Variants in SYT7 observed in about 807,000 individuals in gnomAD.
SYT7 encodes synaptotagmin-7.
A neutral mutation model predicts 75.1 loss-of-function variants in SYT7; 29 were observed. The observed-to-expected ratio is 0.39, with a 90% CI of 0.29 to 0.53. The LOEUF (loss-of-function observed/expected upper bound fraction) is 0.53, where lower values mean the gene tolerates loss of function less well. Ranked by LOEUF, SYT7 falls within the 20% of genes least tolerant of loss-of-function variation. The pLI is 0.77. For synonymous variants in SYT7, 376 were observed against 401.7 expected (o/e 0.94, Z 0.76); for missense variants, 693 against 953.2 (o/e 0.73, Z 3.59).
At position 61,518,839 on chromosome 11, in the gene SYT7, C is replaced by T. The variant is rs187023525; in HGVS notation, c.1957-108G>A. On this transcript the variant is annotated intron_variant, in intron 12 of 12. Coordinates refer to ENST00000539008, the MANE Select transcript of SYT7 (RefSeq NM_001365809.2). ...CACCATGATACCCTAGCCTGTGGCC[C>T]CCCAGCCTCCACATGCTGTGACAAC... 8.1e-3 allele frequency: 5,659 copies of T among 695,580 alleles called. 33 individuals carry two copies. Among genetic ancestry groups the T allele is most frequent in the Non-Finnish European group, 9.8e-3 (4,491 of 457,080 alleles). The allele number at this position is 695,580 out of a possible 1,614,324, so 43.1% of individuals were successfully genotyped here.
At chr11:61,585,744 G>A (rs183941946), upstream of SYT7, among the ~76,000 whole-genome samples, 457 of 152,214 alleles carry the variant, frequency 3.0e-3, 6 homozygotes, top group South Asian at 0.038. Context: ...GTCTATGCTT[G>A]TCACACTTCT....
intron 6 of SYT7, among the ~76,000 whole-genome samples, chr11:61,541,522 C>T (rs2063042076): frequency 6.6e-6 from 1 of 152,136 alleles, no homozygotes; most frequent in South Asian, 2.1e-4. Flanking sequence ...GACCTATATA[C>T]TTGAAAGAAA....
intron 7 of SYT7, among the ~76,000 whole-genome samples, chr11:61,536,041 G>A (rs2062860779): frequency 6.6e-6 from 1 of 152,174 alleles, no homozygotes; most frequent in Non-Finnish European, 1.5e-5. Context: ...CTGCTGGGAA[G>A]GAAGCATTGG....
chr11:61,585,030 G>A (rs1329421028), upstream of SYT7, among the ~76,000 whole-genome samples: 2 of 152,218 alleles, frequency 1.3e-5, no homozygotes, highest in South Asian at 2.1e-4. Context: ...GCCTGTTTCC[G>A]ATCTGGCACC....
upstream of SYT7, among the ~76,000 whole-genome samples, chr11:61,582,104 A>C (rs2064290966): frequency 6.6e-6 from 1 of 151,944 alleles, no homozygotes; most frequent in Non-Finnish European, 1.5e-5. Context: ...ACACACACAC[A>C]CACAGACATG....
chr11:61,516,457 GGGCGAA>G lies in SYT7; in HGVS notation c.*2164_*2169del, dbSNP rs2062151051. The G allele has an allele frequency of 1.3e-5, 2 of 152,236 alleles. No homozygotes were observed. Among genetic ancestry groups the G allele is most frequent in the African/African-American group, 2.4e-5 (1 of 41,446 alleles). The allele number at this position is 152,236 out of a possible 1,614,324, so 9.4% of individuals were successfully genotyped here. On this transcript the variant is annotated 3_prime_UTR_variant, in exon 13 of 13. Transcript: ENST00000539008. This position sits in a 1 kb window ranked among gnomAD's most constrained non-coding sequence, Gnocchi z 4.6. ...TCGATACAAGTTGGTTGGATCCCCA[GGGCGAA>G]GGCGCCTGGAAGGTGGGGGCTGGCT...
At chr11:61,574,020 C>G (rs2063998159) in intron 1 of SYT7, among the ~76,000 whole-genome samples, 1 of 152,230 alleles carries the variant, frequency 6.6e-6, no homozygotes, top group Non-Finnish European at 1.5e-5. Flanking sequence ...CATGTCTCTG[C>G]TATTCTGATG....
rs1356652032 is a variant in SYT7 at position 61,546,390 on chromosome 11, AGT to A, written c.348-137_348-136del. The A allele has an allele frequency of 1.7e-6, 1 of 599,050 alleles. No homozygotes were observed. Among genetic ancestry groups the A allele is most frequent in the Non-Finnish European group, 2.9e-6 (1 of 349,554 alleles). 37.1% of individuals were successfully genotyped at this position (599,050 alleles called of 1,614,324 possible). ...TAACAGATAAAAGGAAGAAAGAGAC[AGT>A]GAGAGAGGAGGAGGAGAGAGACAGA... On this transcript the variant is annotated intron_variant, in intron 4 of 12. Coordinates refer to ENST00000539008, the MANE Select transcript of SYT7 (RefSeq NM_001365809.2). This position sits in a 1 kb window ranked among gnomAD's most constrained non-coding sequence, Gnocchi z 7.6.
chr11:61,526,432 A>T (rs944607049), intron 9 of SYT7: 1 of 152,226 alleles, frequency 6.6e-6, no homozygotes, highest in African/African-American at 2.4e-5. Flanking sequence ...CCCATTTTGA[A>T]TGGCCCCTCT....
At chr11:61,554,246 C>G (rs1026105669) in intron 2 of SYT7, among the ~76,000 whole-genome samples, 52 of 152,038 alleles carry the variant, frequency 3.4e-4, no homozygotes, top group African/African-American at 1.3e-3. Flanking sequence ...GGGGTGGAGA[C>G]CAGTTACAGT....
chr11:61,532,313 C>T (rs12289939), intron 8 of SYT7, among the ~76,000 whole-genome samples: 2,582 of 152,252 alleles, frequency 0.017, 28 homozygotes, highest in South Asian at 0.06. Flanking sequence ...ACAGGTGGGG[C>T]AAGTGGCTGT....
chr11:61,561,339 T>A (rs1214078539), intron 1 of SYT7, among the ~76,000 whole-genome samples: 1 of 152,194 alleles, frequency 6.6e-6, no homozygotes, highest in African/African-American at 2.4e-5. Context: ...AATGCCGGGA[T>A]GTCTTGGGAG....
chr11:61,523,356 G>A lies in SYT7; in HGVS notation c.1757-82C>T, dbSNP rs933090974. 4 of 1,392,414 alleles carry A rather than the reference G, an allele frequency of 2.9e-6. No individual in the cohort carries two copies. In the African/African-American group the frequency reaches 4.3e-5, roughly 15 times the overall value. 86.3% of individuals were successfully genotyped at this position (1,392,414 alleles called of 1,614,324 possible). Reference sequence around the variant, plus strand: ...TCCTTTTCCCCTTCCAGGAATGGAAGCTGAGGCAGGAGGGCCGTGTGCTTT... The same window carrying A: ...TCCTTTTCCCCTTCCAGGAATGGAAACTGAGGCAGGAGGGCCGTGTGCTTT... On this transcript the variant is annotated intron_variant, in intron 11 of 12. Transcript: ENST00000539008. This position sits in a 1 kb window ranked among gnomAD's most constrained non-coding sequence, Gnocchi z 5.0.
chr11:61,516,852 T>G lies in SYT7; in HGVS notation c.*1775A>C. ...TCCAGATCCCAGGGAGAGGAAATGG[T>G]GGGGGTGTGCGATTTAATTTCAGAA... On this transcript the variant is annotated 3_prime_UTR_variant, in exon 13 of 13. Transcript: ENST00000539008. The surrounding 1 kb of genome is among the most constrained non-coding windows in gnomAD (Gnocchi z 4.6). 1 of 169,442 alleles carries G rather than the reference T, an allele frequency of 5.9e-6. No homozygotes were observed. The highest frequency in any genetic ancestry group is 1.6e-4 in the East Asian group (1 of 6,170). 10.5% of individuals were successfully genotyped at this position (169,442 alleles called of 1,614,324 possible).
rs1041609897 is a variant in SYT7, at chr11:61,576,181, G to A, written c.31+4609C>T. ...CAGCCCTTGGGGAATTCTGCTGGGT[G>A]AGACCAAAGCCCTGCCCTGCAGACA... On this transcript the variant is annotated intron_variant, in intron 1 of 12. Transcript: ENST00000539008. The surrounding 1 kb of genome is among the most constrained non-coding windows in gnomAD (Gnocchi z 4.1). 5.3e-5 allele frequency among the ~76,000 whole-genome samples: 8 copies of A among 152,234 alleles called. No individual in the cohort carries two copies. Among genetic ancestry groups the A allele is most frequent in the South Asian group, 4.1e-4 (2 of 4,832 alleles).
intron 8 of SYT7, among the ~76,000 whole-genome samples, chr11:61,531,291 C>T (rs891650321): frequency 1.8e-4 from 28 of 152,244 alleles, no homozygotes; most frequent in Admixed American, 1.6e-3. Context: ...GCTGTCGGCC[C>T]TTCCCTGGGG....
At chr11:61,545,533 G>A (rs1399371183) in intron 5 of SYT7, among the ~76,000 whole-genome samples, 3 of 152,242 alleles carry the variant, frequency 2.0e-5, no homozygotes, top group Non-Finnish European at 4.4e-5. Context: ...GGAGTCACCC[G>A]ATGGTCAAAA....
rs1425840577 is a variant in SYT7, at chr11:61,523,817, A to C, written c.1756+10T>G. 6.2e-7 allele frequency: 1 copy of C among 1,612,984 alleles called. No individual in the cohort carries two copies. Among genetic ancestry groups the C allele is most frequent in the Non-Finnish European group, 8.5e-7 (1 of 1,179,290 alleles). On this transcript the variant is annotated intron_variant, in intron 11 of 12. Transcript: ENST00000539008. This position sits in a 1 kb window ranked among gnomAD's most constrained non-coding sequence, Gnocchi z 5.0. ...CGGCCCGCCCATCCTCTGCTGGAGA[A>C]GCCCCGTACCTGATGTGCCCCCGAT...
Position 61,542,846 on chromosome 11 carries a change from C to G in SYT7, c.573-267G>C, listed in dbSNP as rs909990965. On this transcript the variant is annotated intron_variant, in intron 5 of 12. Coordinates refer to ENST00000539008, the MANE Select transcript of SYT7 (RefSeq NM_001365809.2). The surrounding 1 kb of genome is among the most constrained non-coding windows in gnomAD (Gnocchi z 7.8). ...CCTGGCTCAGCTAGTGCCAGAATAC[C>G]TCCTGGCTAGGCCGACCTCCCTGCC... is the stretch of plus-strand genomic sequence containing the variant. Among the ~76,000 whole-genome samples the G allele has an allele frequency of 6.6e-6, 1 of 152,194 alleles. No individual in the cohort carries two copies. Among genetic ancestry groups the G allele is most frequent in the Non-Finnish European group, 1.5e-5 (1 of 68,028 alleles).
Sources: allele counts gnomAD v4.1 joint callset (sites outside exome capture counted in the v4.1 genomes callset), GRCh38; gene constraint gnomAD v4.1.1; non-coding constraint Gnocchi (gnomAD v3.1); transcripts MANE v1.5; gene names NCBI Gene and HGNC (gene_info 2026-07-23, HGNC 2026-07-21).